REPS2: variants seen among roughly 807,000 people sequenced by gnomAD.
REPS2 encodes RALBP1 associated Eps domain containing 2.
In REPS2, 23 loss-of-function variants were observed where a neutral mutation model predicts 53.6. That is an observed-to-expected ratio of 0.43 (90% confidence interval 0.31 to 0.61). REPS2 has a LOEUF of 0.61. Ranked by LOEUF, REPS2 falls within the 20% of genes least tolerant of loss-of-function variation. REPS2 has a pLI of 0.11. For synonymous variants in REPS2, 238 were observed against 218.6 expected, an observed-to-expected ratio of 1.09 and a Z score of -0.78; for missense variants, 446 against 534.9, an observed-to-expected ratio of 0.83 and a Z score of 1.64.
chrX:16,979,213 C>T (rs1254432126), intron 1 of REPS2, among the ~76,000 whole-genome samples: 3 of 111,705 alleles, frequency 2.7e-5, no homozygotes, highest in African/African-American at 9.8e-5. Context: ...TATTACCTAT[C>T]ACTGCAAGAT....
intron 5 of REPS2, chrX:17,044,339 C>T (rs1032950971): frequency 9.0e-6 from 1 of 111,473 alleles, no homozygotes; most frequent in African/African-American, 3.3e-5. Context: ...GACCCAACAT[C>T]CAGCTTGGAG....
chrX:17,084,354 A>G, intron 13 of REPS2, among the ~76,000 whole-genome samples: 1 of 112,319 alleles, frequency 8.9e-6, no homozygotes, highest in Non-Finnish European at 1.9e-5. Flanking sequence ...TAACTCTGCT[A>G]TAGACATTCA....
chrX:17,024,610 A>G (rs1029727832), intron 3 of REPS2, among the ~76,000 whole-genome samples: 4 of 110,134 alleles, frequency 3.6e-5, no homozygotes, highest in Non-Finnish European at 5.7e-5. Context: ...CTCCAAGAAT[A>G]TTAAGTATTA....
intron 14 of REPS2, among the ~76,000 whole-genome samples, chrX:17,104,846 A>G (rs2062852596): frequency 8.9e-6 from 1 of 111,759 alleles, no homozygotes; most frequent in Admixed American, 9.5e-5. Context: ...TCCCTGCTGT[A>G]TATCTAATGC....
chrX:17,191,505 A>C, the REPS2 span, among the ~76,000 whole-genome samples: 2 of 112,436 alleles, frequency 1.8e-5, no homozygotes, highest in Non-Finnish European at 3.8e-5. Context: ...AAAATGTTAA[A>C]AACACTTTGG....
chrX:17,118,210 C>T (rs567363302), intron 14 of REPS2, among the ~76,000 whole-genome samples: 6 of 109,027 alleles, frequency 5.5e-5, no homozygotes, highest in East Asian at 5.8e-4. Flanking sequence ...CCGCCCGCCT[C>T]GGCCTCCCAA....
chrX:16,978,991 G>A (rs906044265), intron 1 of REPS2, among the ~76,000 whole-genome samples: 6 of 111,922 alleles, frequency 5.4e-5, no homozygotes, highest in African/African-American at 1.9e-4. Context: ...TTTCTATGGT[G>A]TAAGTTAATG....
chrX:17,011,057 C>CTGTGTGTGTGTG (rs60541913), intron 2 of REPS2, among the ~76,000 whole-genome samples: 44 of 102,551 alleles, frequency 4.3e-4, no homozygotes, highest in African/African-American at 1.2e-3. Flanking sequence ...TTTGCTTAAA[C>CTGTGTGTGTGTG]TGTGTGTGTG....
intron 5 of REPS2, among the ~76,000 whole-genome samples, chrX:17,038,809 G>A (rs1047719728): frequency 2.7e-5 from 3 of 112,095 alleles, no homozygotes; most frequent in East Asian, 2.8e-4. Flanking sequence ...GGAGTGGGAG[G>A]GAGATGAGGT....
intron 13 of REPS2, among the ~76,000 whole-genome samples, chrX:17,092,273 C>G (rs1265420668): frequency 9.0e-6 from 1 of 111,456 alleles, no homozygotes; most frequent in Non-Finnish European, 1.9e-5. Context: ...AACATTTTAC[C>G]TAGAAATTTC....
chrX:17,031,110 G>T (rs746469921), intron 5 of REPS2, among the ~76,000 whole-genome samples: 3 of 112,303 alleles, frequency 2.7e-5, no homozygotes, highest in African/African-American at 9.7e-5. Flanking sequence ...ACAAAAATAT[G>T]TGCCTTTAAA....
chrX:17,100,090 C>G lies in REPS2; in HGVS notation c.1517-3628C>G, dbSNP rs755958354. On this transcript the variant is annotated intron_variant, in intron 13 of 17. Coordinates refer to ENST00000357277, the MANE Select transcript of REPS2 (RefSeq NM_004726.3). ...TTGTGCTTGCCTCCCTCTGATTTGT[C>G]TATCTCATGTGCTGTTTTCTGTGAC... The G allele has an allele frequency of 1.3e-5, 13 of 1,037,122 alleles. No individual in the cohort carries two copies. In the Admixed American group the frequency reaches 2.9e-4, roughly 23 times the overall value. 85.5% of individuals were successfully genotyped at this position (1,037,122 alleles called of 1,213,427 possible).
intron 13 of REPS2, among the ~76,000 whole-genome samples, chrX:17,079,161 A>C (rs2062420707): frequency 8.9e-6 from 1 of 112,187 alleles, no homozygotes; most frequent in African/African-American, 3.2e-5. Flanking sequence ...AGGGTTTTAT[A>C]GCATTTTGGA....
intron 1 of REPS2, among the ~76,000 whole-genome samples, chrX:16,993,566 G>A (rs1329335483): frequency 9.0e-6 from 1 of 111,701 alleles, no homozygotes. Flanking sequence ...GAAAATGAAG[G>A]TACCCAGACA....
intron 5 of REPS2, among the ~76,000 whole-genome samples, chrX:17,035,256 G>A (rs1039873100): frequency 3.2e-4 from 35 of 109,116 alleles, no homozygotes; most frequent in Admixed American, 6.9e-4. Flanking sequence ...ATATTGCACC[G>A]AGAGATCTTC....
chrX:17,182,140 GTCTATCTATCTATCTATCTA>G, the REPS2 span, among the ~76,000 whole-genome samples: 17 of 101,225 alleles, frequency 1.7e-4, no homozygotes, highest in African/African-American at 5.9e-4. Flanking sequence ...TGCTCTATCT[GTCTATCTATCTATCTATCTA>G]TCTATCTATC....
chrX:17,188,513 A>G, the REPS2 span, among the ~76,000 whole-genome samples: 1 of 112,211 alleles, frequency 8.9e-6, no homozygotes, highest in Non-Finnish European at 1.9e-5. Context: ...AAACATGTCC[A>G]AAGTCTCTAA....
At chrX:16,975,672 G>A (rs2060947082) in intron 1 of REPS2, among the ~76,000 whole-genome samples, 1 of 111,865 alleles carries the variant, frequency 8.9e-6, no homozygotes. Context: ...TTGCTTAAGT[G>A]TTAACTATTT....
intron 5 of REPS2, among the ~76,000 whole-genome samples, chrX:17,046,748 C>T (rs747507133): frequency 8.9e-6 from 1 of 112,020 alleles, no homozygotes; most frequent in South Asian, 3.7e-4. Context: ...TATTGTGGTA[C>T]CATAACAGCT....
Sources: allele counts gnomAD v4.1 joint callset (sites outside exome capture counted in the v4.1 genomes callset), GRCh38; gene constraint gnomAD v4.1.1; transcripts MANE v1.5; gene names NCBI Gene and HGNC (gene_info 2026-07-23, HGNC 2026-07-21).